ZDHHC15: variants seen among roughly 807,000 people sequenced by gnomAD.
ZDHHC15 encodes zDHHC palmitoyltransferase 15, also known as palmitoyltransferase ZDHHC15.
ZDHHC15 carries 19 observed loss-of-function variants against 31.7 expected under a neutral mutation model. The observed-to-expected ratio is 0.60, with a 90% CI of 0.42 to 0.88. The LOEUF is 0.88. Ranked by LOEUF, ZDHHC15 falls within the 40% of genes least tolerant of loss-of-function variation. The pLI, the probability that ZDHHC15 is intolerant of heterozygous loss-of-function variation, is 0.00. For synonymous variants in ZDHHC15, 103 were observed against 90.0 expected, an observed-to-expected ratio of 1.14 and a Z score of -0.82; for missense variants, 209 against 251.2, an observed-to-expected ratio of 0.83 and a Z score of 1.14.
rs778087186 is a variant in ZDHHC15 at position 75,515,853 on chromosome X, A to G, written c.136+7036T>C. On this transcript the variant is annotated intron_variant, in intron 1 of 11. Coordinates refer to ENST00000373367, the MANE Select transcript of ZDHHC15 (RefSeq NM_144969.3). ...GAAAACCCCATCATCTCAGGCCAAA[A>G]TCTCCTTAAGCTGATAAGCAACTTC... Among the ~76,000 whole-genome samples, 14 of 112,166 alleles carry G rather than the reference A, an allele frequency of 1.2e-4. No individual in the cohort carries two copies. In the South Asian group the frequency reaches 4.8e-3, roughly 39 times the overall value.
chrX:75,378,666 A>G (rs1240024808), intron 11 of ZDHHC15, among the ~76,000 whole-genome samples: 3 of 111,860 alleles, frequency 2.7e-5, no homozygotes, highest in South Asian at 3.8e-4. Context: ...TAACAAACTC[A>G]TAGCATTTTA....
chrX:75,382,993 C>T (rs1259997760), intron 10 of ZDHHC15, among the ~76,000 whole-genome samples: 1 of 111,851 alleles, frequency 8.9e-6, no homozygotes, highest in Non-Finnish European at 1.9e-5. Context: ...TACACCTTCT[C>T]TTTCTGGTGA....
intron 2 of ZDHHC15, among the ~76,000 whole-genome samples, chrX:75,489,830 T>A (rs1212003667): frequency 9.0e-6 from 1 of 111,146 alleles, no homozygotes; most frequent in African/African-American, 3.3e-5. Context: ...GGCAAAGAAG[T>A]TAAAAACCTT....
At chrX:75,420,207 C>T (rs1196542137) in intron 9 of ZDHHC15, among the ~76,000 whole-genome samples, 1 of 111,315 alleles carries the variant, frequency 9.0e-6, no homozygotes, top group East Asian at 2.8e-4. Context: ...TTAAAAAAAG[C>T]CCATTATCAC....
chrX:75,395,877 A>C (rs2083294065), intron 10 of ZDHHC15, among the ~76,000 whole-genome samples: 1 of 112,196 alleles, frequency 8.9e-6, no homozygotes, highest in Admixed American at 9.5e-5. Context: ...CAAAAATGCC[A>C]AGAATACTCA....
intron 1 of ZDHHC15, among the ~76,000 whole-genome samples, chrX:75,518,038 A>C (rs1384000075): frequency 1.8e-5 from 2 of 111,191 alleles, no homozygotes; most frequent in Non-Finnish European, 3.8e-5. Flanking sequence ...AACCAACCAA[A>C]CAAAAAAATC....
At chrX:75,489,969 C>G (rs978126430) in intron 2 of ZDHHC15, among the ~76,000 whole-genome samples, 118 of 111,717 alleles carry the variant, frequency 1.1e-3, no homozygotes, top group Non-Finnish European at 1.8e-3. Context: ...CCGATTCGAT[C>G]AACTGGAAGA....
chrX:75,386,487 T>G (rs1231914205), intron 10 of ZDHHC15, among the ~76,000 whole-genome samples: 1 of 111,873 alleles, frequency 8.9e-6, no homozygotes, highest in African/African-American at 3.2e-5. Flanking sequence ...TTGCTAGATT[T>G]TTTTTTGAGA....
intron 4 of ZDHHC15, among the ~76,000 whole-genome samples, chrX:75,440,981 C>A (rs772108945): frequency 9.0e-6 from 1 of 111,565 alleles, no homozygotes; most frequent in Admixed American, 9.5e-5. Flanking sequence ...CAGGCCTCAC[C>A]CAACTCCCAT....
chrX:75,459,885 GT>G (rs1602663589), intron 3 of ZDHHC15, among the ~76,000 whole-genome samples: 1 of 111,986 alleles, frequency 8.9e-6, no homozygotes, highest in Non-Finnish European at 1.9e-5. Flanking sequence ...TTGTTTGTTT[GT>G]TTTTTTGAGA....
At chrX:75,475,474 CTG>C (rs1384912874) in intron 3 of ZDHHC15, among the ~76,000 whole-genome samples, 1 of 112,145 alleles carries the variant, frequency 8.9e-6, no homozygotes. Flanking sequence ...TTGTTGAAGA[CTG>C]TGCATTCTCC....
chrX:75,434,951 A>T (rs1352297901), intron 4 of ZDHHC15, among the ~76,000 whole-genome samples: 1 of 112,202 alleles, frequency 8.9e-6, no homozygotes, highest in Non-Finnish European at 1.9e-5. Flanking sequence ...CACAATATTG[A>T]TTATACCCAT....
chrX:75,462,940 CAG>C (rs1176961588), intron 3 of ZDHHC15, among the ~76,000 whole-genome samples: 2 of 110,379 alleles, frequency 1.8e-5, no homozygotes, highest in Admixed American at 9.7e-5. Flanking sequence ...CTGAAGGAGA[CAG>C]AGACATGAAA....
At chrX:75,515,949 C>CA (rs2085349696) in intron 1 of ZDHHC15, among the ~76,000 whole-genome samples, 1 of 111,363 alleles carries the variant, frequency 9.0e-6, no homozygotes, top group Non-Finnish European at 1.9e-5. Context: ...AACAGACAAA[C>CA]AGAGAGCCAA....
At chrX:75,413,130 A>G (rs1382388091) in intron 10 of ZDHHC15, among the ~76,000 whole-genome samples, 2 of 112,578 alleles carry the variant, frequency 1.8e-5, no homozygotes, top group Non-Finnish European at 3.7e-5. Flanking sequence ...TAATCATTTT[A>G]CTATGTATTT....
chrX:75,494,662 G>T (rs186003497), intron 2 of ZDHHC15, among the ~76,000 whole-genome samples: 2 of 112,143 alleles, frequency 1.8e-5, no homozygotes, highest in East Asian at 5.6e-4. Context: ...TGACAAACCT[G>T]ACAAAAACAG....
intron 2 of ZDHHC15, among the ~76,000 whole-genome samples, chrX:75,487,296 C>T (rs917165222): frequency 8.9e-6 from 1 of 112,474 alleles, no homozygotes; most frequent in Admixed American, 9.4e-5. Context: ...CTGCCACCTC[C>T]AGTGGAGCAG....
At chrX:75,406,989 A>T (rs1311645700) in intron 10 of ZDHHC15, among the ~76,000 whole-genome samples, 2 of 112,360 alleles carry the variant, frequency 1.8e-5, no homozygotes, top group African/African-American at 6.5e-5. Context: ...TCAGTGCTCA[A>T]TGTTGCCCAG....
At chrX:75,440,590 T>C (rs1181592014) in intron 4 of ZDHHC15, among the ~76,000 whole-genome samples, 1 of 112,637 alleles carries the variant, frequency 8.9e-6, no homozygotes, top group Non-Finnish European at 1.9e-5. Flanking sequence ...CGTTCTTTTA[T>C]GTGTTGTTGT....
Sources: allele counts gnomAD v4.1 joint callset (sites outside exome capture counted in the v4.1 genomes callset), GRCh38; gene constraint gnomAD v4.1.1; transcripts MANE v1.5; gene names NCBI Gene and HGNC (gene_info 2026-07-23, HGNC 2026-07-21).